The following PCDHGA1 variants were observed in gnomAD, a reference collection of about 807,000 sequenced individuals.
The protein encoded by PCDHGA1 is protocadherin gamma-A1.
PCDHGA1 carries 32 observed loss-of-function variants against 58.0 expected under a neutral mutation model. The ratio of observed to expected loss-of-function variants is 0.55; its 90% CI spans 0.42 to 0.74. PCDHGA1 has a LOEUF of 0.74. PCDHGA1 is among the 30% of genes least tolerant of loss of function. The pLI, the probability that PCDHGA1 is intolerant of heterozygous loss-of-function variation, is 0.00. For synonymous variants in PCDHGA1, 498 were observed against 501.1 expected (o/e 0.99, Z 0.08); for missense variants, 1,205 against 1,182.3 (o/e 1.02, Z -0.28).
chr5:141,379,354 C>T (rs995158490), intron 1 of PCDHGA1: 2 of 152,104 alleles, frequency 1.3e-5, no homozygotes, highest in African/African-American at 2.4e-5. Flanking sequence ...TTTCTTGTAT[C>T]TTTGTGATAT....
intron 1 of PCDHGA1, chr5:141,355,496 C>G: frequency 6.2e-7 from 1 of 1,614,080 alleles, no homozygotes; most frequent in Non-Finnish European, 8.5e-7. Flanking sequence ...TGCGACAGAT[C>G]TCCAAACTGT....
intron 1 of PCDHGA1, chr5:141,409,996 G>A (rs1561724976): frequency 6.2e-7 from 1 of 1,613,132 alleles, no homozygotes; most frequent in Non-Finnish European, 8.5e-7. Context: ...ACGCCGACTC[G>A]GGACACAACG....
At position 141,399,586 on chromosome 5, in the gene PCDHGA1, A is replaced by G. The variant is rs751097540; in HGVS notation, c.2421+66481A>G. The G allele has an allele frequency of 6.2e-6, 10 of 1,613,830 alleles. No individual in the cohort carries two copies. The East Asian group carries it at 1.3e-4, about 22-fold the overall frequency. Reference sequence around the variant, plus strand: ...GTTGAACGGCCAAGTCTCCTACTCTATCATGGCCAGCGACCTAGAGCCTCT... The same window carrying G: ...GTTGAACGGCCAAGTCTCCTACTCTGTCATGGCCAGCGACCTAGAGCCTCT... On this transcript the variant is annotated intron_variant, in intron 1 of 3. Coordinates refer to ENST00000517417, the MANE Select transcript of PCDHGA1 (RefSeq NM_018912.3).
chr5:141,419,240 G>A lies in PCDHGA1; in HGVS notation c.2422-75567G>A, dbSNP rs753956971. On this transcript the variant is annotated intron_variant, in intron 1 of 3. Coordinates refer to ENST00000517417, the MANE Select transcript of PCDHGA1 (RefSeq NM_018912.3). ...CGGACAGTCAGCCTACCTGGTCCAC[G>A]TGCCAGAAAACAACCAGCCGGGTGC... is the stretch of plus-strand genomic sequence containing the variant. 6.8e-6 allele frequency: 11 copies of A among 1,613,862 alleles called. No individual in the cohort carries two copies. The highest frequency in any genetic ancestry group is 1.7e-5 in the Admixed American group (1 of 60,018).
In PCDHGA1 at chr5:141,389,482, G is replaced by A. The variant is rs766365115; in HGVS notation, c.2421+56377G>A. ...GCCTTCGAACTCACACTGCAGGCCC[G>A]CGACCAGGGCTCGCCAGCGCTCAGC... is the stretch of plus-strand genomic sequence containing the variant. On this transcript the variant is annotated intron_variant, in intron 1 of 3. Transcript: ENST00000517417. 4 of 1,613,080 alleles carry A rather than the reference G, an allele frequency of 2.5e-6. No homozygotes were observed. The South Asian group carries it at 3.3e-5, about 13-fold the overall frequency.
At chr5:141,414,334 AC>A (rs1187631098) in intron 1 of PCDHGA1, 2 of 1,613,782 alleles carry the variant, frequency 1.2e-6, no homozygotes, top group South Asian at 2.2e-5. Context: ...TGGACAGGTA[AC>A]CTGTTCCATT....
In PCDHGA1 at chr5:141,490,007, C is replaced by T. The variant is rs766407642; in HGVS notation, c.2422-4800C>T. On this transcript the variant is annotated intron_variant, in intron 1 of 3. Coordinates refer to ENST00000517417, the MANE Select transcript of PCDHGA1 (RefSeq NM_018912.3). The surrounding 1 kb of genome is among the most constrained non-coding windows in gnomAD (Gnocchi z 5.4). ...CGTGTGGGAATCCCAGAGAATGCACCCATTGGTACTCTGCTGCTCCGCCTC... is the reference window on the plus strand; with the variant it reads ...CGTGTGGGAATCCCAGAGAATGCACTCATTGGTACTCTGCTGCTCCGCCTC... 6.2e-7 allele frequency: 1 copy of T among 1,614,200 alleles called. No homozygotes were observed. The highest frequency in any genetic ancestry group is 8.5e-7 in the Non-Finnish European group (1 of 1,180,016).
intron 1 of PCDHGA1, chr5:141,350,299 G>C (rs1758441627): frequency 6.6e-7 from 1 of 1,519,662 alleles, no homozygotes; most frequent in African/African-American, 1.4e-5. Flanking sequence ...TGAAAAGTCA[G>C]GTACTGTTTC....
chr5:141,441,103 A>C (rs2098225469), intron 1 of PCDHGA1: 1 of 152,198 alleles, frequency 6.6e-6, no homozygotes, highest in Non-Finnish European at 1.5e-5. Flanking sequence ...AGAGGGACTC[A>C]TTGTCCAGTG....
At chr5:141,433,040 A>G in intron 1 of PCDHGA1, 1 of 1,614,086 alleles carries the variant, frequency 6.2e-7, no homozygotes, top group Non-Finnish European at 8.5e-7. Flanking sequence ...TTCCCTCACC[A>G]CGGACTCGCG....
intron 1 of PCDHGA1, chr5:141,428,251 T>C (rs761574102): frequency 1.1e-5 from 10 of 893,496 alleles, no homozygotes; most frequent in Middle Eastern, 2.1e-4. Flanking sequence ...ACTGCCAGAC[T>C]TCAGTGACAG....
At chr5:141,395,111 T>G in intron 1 of PCDHGA1, 1 of 1,613,670 alleles carries the variant, frequency 6.2e-7, no homozygotes, top group Middle Eastern at 1.7e-4. Flanking sequence ...CGCGGAAGAG[T>G]CACCTGATCT....
Position 141,485,943 on chromosome 5 carries a change from C to A in PCDHGA1, c.2422-8864C>A, listed in dbSNP as rs750871245. The A allele has an allele frequency of 1.9e-6, 3 of 1,614,126 alleles. No individual in the cohort carries two copies. Among genetic ancestry groups the A allele is most frequent in the Non-Finnish European group, 1.7e-6 (2 of 1,180,012 alleles). ...ATTAGTGTGTTGGAGAGCGCACCAG[C>A]GGGCATGGTGCTCATCCAGCTCAAT... is the stretch of plus-strand genomic sequence containing the variant. On this transcript the variant is annotated intron_variant, in intron 1 of 3. Coordinates refer to ENST00000517417, the MANE Select transcript of PCDHGA1 (RefSeq NM_018912.3). The surrounding 1 kb of genome is among the most constrained non-coding windows in gnomAD (Gnocchi z 5.7).
At chr5:141,499,019 AG>A (rs2099788634) in intron 2 of PCDHGA1, among the ~76,000 whole-genome samples, 3 of 150,840 alleles carry the variant, frequency 2.0e-5, no homozygotes, top group Non-Finnish European at 3.0e-5. Context: ...GAAGGAAGGA[AG>A]GAAGGAAGAA....
chr5:141,426,753 A>G (rs1360041118), intron 1 of PCDHGA1: 3 of 456,298 alleles, frequency 6.6e-6, no homozygotes, highest in East Asian at 7.0e-5. Flanking sequence ...GGAATCTGCT[A>G]TAGATGCAGA....
intron 1 of PCDHGA1, chr5:141,378,729 T>A (rs769149282): frequency 6.6e-6 from 1 of 152,216 alleles, no homozygotes; most frequent in East Asian, 1.9e-4. Flanking sequence ...GAACTCTTTA[T>A]TGAAATATTT....
Position 141,331,292 on chromosome 5 carries a change from A to G in PCDHGA1, c.608A>G (p.Glu203Gly), listed in dbSNP as rs1321321639. ...EMVLQSPLDR[E>G]EEAVHHLILT... ...GTGCTGCAGAGTCCCTTAGACAGAGAAGAAGAAGCTGTCCACCACCTCATC... is the reference window on the plus strand; with the variant it reads ...GTGCTGCAGAGTCCCTTAGACAGAGGAGAAGAAGCTGTCCACCACCTCATC... Residue 203 changes from glutamate (E) to glycine (G), a missense_variant, in exon 1 of 4, where the codon GAA becomes GGA. Physicochemically the swap from Glu to Gly is moderately conservative, Grantham distance 98. Coordinates refer to ENST00000517417, the MANE Select transcript of PCDHGA1 (RefSeq NM_018912.3). 6.2e-7 allele frequency: 1 copy of G among 1,614,062 alleles called. No homozygotes were observed.
chr5:141,490,045 C>T lies in PCDHGA1; in HGVS notation c.2422-4762C>T, dbSNP rs530803072. On this transcript the variant is annotated intron_variant, in intron 1 of 3. Transcript: ENST00000517417. The surrounding 1 kb of genome is among the most constrained non-coding windows in gnomAD (Gnocchi z 5.4). ...GCTGCTCCGCCTCAATGCCACTGAT[C>T]CAGACGAGGGCACCAACGGCCAACT... 1.2e-5 allele frequency: 19 copies of T among 1,614,114 alleles called. No individual in the cohort carries two copies. Among genetic ancestry groups the T allele is most frequent in the Admixed American group, 1.2e-4 (7 of 60,014 alleles).
At chr5:141,399,911 G>T in intron 1 of PCDHGA1, 1 of 1,612,384 alleles carries the variant, frequency 6.2e-7, no homozygotes. Flanking sequence ...GCAGACTCAG[G>T]ACACAACGCC....
Sources: gnomAD v4.1 joint callset for allele counts (sites outside exome capture counted in the v4.1 genomes callset) on GRCh38, gnomAD v4.1.1 for gene constraint, Gnocchi (gnomAD v3.1) non-coding constraint, MANE v1.5 for transcripts, NCBI Gene and HGNC (gene_info 2026-07-23, HGNC 2026-07-21) for gene names.